SV2C: variants seen among roughly 807,000 people sequenced by gnomAD.
SV2C encodes solute carrier family 22 member B3.
A neutral mutation model predicts 79.7 loss-of-function variants in SV2C; 49 were observed. The observed-to-expected ratio is 0.61, with a 90% confidence interval of 0.49 to 0.78. The LOEUF is 0.78. Among genes scored for constraint, SV2C ranks in the 30% least tolerant of loss-of-function variants. The probability of loss-of-function intolerance (pLI) is 0.00; values close to 1 mark genes in which losing one functional copy is unlikely to be tolerated. For missense variants in SV2C, 833 were observed against 912.9 expected, an observed-to-expected ratio of 0.91 and a Z score of 1.13; for synonymous variants, 334 against 333.2, an observed-to-expected ratio of 1.00 and a Z score of -0.03.
the SV2C span, among the ~76,000 whole-genome samples, chr5:75,899,754 A>T: frequency 6.6e-6 from 1 of 152,076 alleles, no homozygotes; most frequent in Non-Finnish European, 1.5e-5. Context: ...GTGCTCCTGT[A>T]TTGGGTGCAT....
At chr5:76,223,440 CATACATATATATATAT>C (rs1462723745) in intron 4 of SV2C, among the ~76,000 whole-genome samples, 1 of 36,026 alleles carries the variant, frequency 2.8e-5, no homozygotes, top group African/African-American at 9.7e-5. Flanking sequence ...TATATACATA[CATACATATATATATAT>C]ATATATATAT....
At chr5:75,889,445 G>C in the SV2C span, among the ~76,000 whole-genome samples, 82 of 152,096 alleles carry the variant, frequency 5.4e-4, no homozygotes, top group Middle Eastern at 3.4e-3. Flanking sequence ...CTTTTTTATG[G>C]CTGCATAGTA....
intron 1 of SV2C, among the ~76,000 whole-genome samples, chr5:76,099,365 CGTGTGTGTGTGT>C (rs10582798): frequency 6.7e-6 from 1 of 148,506 alleles, no homozygotes; most frequent in African/African-American, 2.5e-5. Flanking sequence ...TTCTTTTGCT[CGTGTGTGTGTGT>C]GTGTGTGTGT....
intron 4 of SV2C, among the ~76,000 whole-genome samples, chr5:76,230,105 C>T (rs1257402845): frequency 6.6e-6 from 1 of 152,122 alleles, no homozygotes; most frequent in Admixed American, 6.5e-5. Flanking sequence ...TAGAAACAAT[C>T]ATGGTAATTT....
In SV2C at chr5:76,346,761, G is replaced by A. The variant is rs540723760; in HGVS notation, c.2001-6369G>A. 5.3e-5 allele frequency among the ~76,000 whole-genome samples: 8 copies of A among 152,296 alleles called. No homozygotes were observed. The East Asian group carries it at 1.5e-3, about 29-fold the overall frequency. The stretch of plus-strand genomic sequence containing the variant: ...TGAATAAATGAATGAAAAAGCTGAG[G>A]ATGAAACCGACTCCTCAACCTGCAT... On this transcript the variant is annotated intron_variant, in intron 12 of 12. Coordinates refer to the SV2C transcript ENST00000322285.
At chr5:75,957,640 T>C in the SV2C span, among the ~76,000 whole-genome samples, 1 of 152,098 alleles carries the variant, frequency 6.6e-6, no homozygotes, top group African/African-American at 2.4e-5. Context: ...AACATCAGGC[T>C]GATATCATTG....
At chr5:76,150,203 T>TG (rs1459642816) in intron 2 of SV2C, among the ~76,000 whole-genome samples, 1 of 126,852 alleles carries the variant, frequency 7.9e-6, no homozygotes, top group Non-Finnish European at 1.9e-5. Flanking sequence ...AATATCTTTT[T>TG]TTTTTTTTTT....
At chr5:76,003,459 A>G in the SV2C span, among the ~76,000 whole-genome samples, 2 of 152,218 alleles carry the variant, frequency 1.3e-5, no homozygotes, top group Non-Finnish European at 2.9e-5. Context: ...CAAAATAGGA[A>G]TTTATAGATA....
the SV2C span, among the ~76,000 whole-genome samples, chr5:75,872,997 A>T: frequency 1.3e-5 from 2 of 152,274 alleles, no homozygotes; most frequent in East Asian, 3.9e-4. Flanking sequence ...TAACATCTCT[A>T]GGTAACGCCT....
chr5:76,169,362 G>A (rs558116773), intron 2 of SV2C, among the ~76,000 whole-genome samples: 1 of 152,308 alleles, frequency 6.6e-6, no homozygotes, highest in East Asian at 1.9e-4. Context: ...ACTGTGCTTA[G>A]CATCTAGACA....
At chr5:76,145,589 T>G (rs1416409975) in intron 2 of SV2C, among the ~76,000 whole-genome samples, 1 of 152,198 alleles carries the variant, frequency 6.6e-6, no homozygotes, top group Admixed American at 6.5e-5. Flanking sequence ...TGACGCCACA[T>G]GATGCAAAGG....
At chr5:75,968,073 G>T in the SV2C span, among the ~76,000 whole-genome samples, 4 of 152,216 alleles carry the variant, frequency 2.6e-5, no homozygotes, top group Non-Finnish European at 5.9e-5. Flanking sequence ...GTCTGGAATG[G>T]ACCTCCAGCA....
intron 12 of SV2C, among the ~76,000 whole-genome samples, chr5:76,315,405 C>T (rs1366491663): frequency 3.3e-5 from 5 of 152,008 alleles, no homozygotes; most frequent in African/African-American, 9.7e-5. Flanking sequence ...TTACAAAAAT[C>T]GACTTCCAAC....
At chr5:76,103,208 T>G (rs893715503) in intron 1 of SV2C, among the ~76,000 whole-genome samples, 1 of 152,200 alleles carries the variant, frequency 6.6e-6, no homozygotes, top group East Asian at 1.9e-4. Context: ...ATGTATTTAG[T>G]CCTCATACCT....
intron 4 of SV2C, among the ~76,000 whole-genome samples, chr5:76,267,755 A>G (rs553253699): frequency 2.0e-5 from 3 of 152,374 alleles, no homozygotes; most frequent in African/African-American, 4.8e-5. Context: ...TGCAATCAGT[A>G]GGAATTTTCC....
At chr5:76,045,018 A>T in the SV2C span, among the ~76,000 whole-genome samples, 14 of 152,232 alleles carry the variant, frequency 9.2e-5, no homozygotes, top group East Asian at 2.7e-3. Flanking sequence ...GGTATTGCCT[A>T]GATTTTTTTC....
chr5:76,298,383 A>G (rs1747847749), intron 9 of SV2C, among the ~76,000 whole-genome samples: 1 of 152,218 alleles, frequency 6.6e-6, no homozygotes, highest in East Asian at 1.9e-4. Flanking sequence ...GGGTAGGAGG[A>G]CATCCTTAAG....
chr5:76,140,899 C>T (rs1270266096), intron 2 of SV2C, among the ~76,000 whole-genome samples: 1 of 152,192 alleles, frequency 6.6e-6, no homozygotes, highest in Non-Finnish European at 1.5e-5. Flanking sequence ...TCTGTTTAGC[C>T]TCTCAGGCAT....
At chr5:76,273,635 G>A (rs975667668) in intron 4 of SV2C, among the ~76,000 whole-genome samples, 2 of 152,272 alleles carry the variant, frequency 1.3e-5, no homozygotes, top group East Asian at 1.9e-4. Context: ...GCTCCTCTGC[G>A]CATTCCAAAG....
Sources: gnomAD v4.1 joint callset for allele counts (sites outside exome capture counted in the v4.1 genomes callset) on GRCh38, gnomAD v4.1.1 for gene constraint, MANE v1.5 for transcripts, NCBI Gene and HGNC (gene_info 2026-07-23, HGNC 2026-07-21) for gene names.